TFEC: variants seen among roughly 807,000 people sequenced by gnomAD.
TFEC encodes the protein transcription factor EC, also known as class E basic helix-loop-helix protein 34.
TFEC carries 31 observed loss-of-function variants against 41.6 expected under a neutral mutation model. The ratio of observed to expected loss-of-function variants is 0.74; its 90% confidence interval spans 0.56 to 1.01. TFEC has a LOEUF of 1.01. Among genes scored for constraint, TFEC ranks in the 50% least tolerant of loss-of-function variants. TFEC has a pLI of 0.00. For synonymous variants in TFEC, 143 were observed against 140.6 expected, an observed-to-expected ratio of 1.02 and a Z score of -0.12; for missense variants, 402 against 404.1, an observed-to-expected ratio of 0.99 and a Z score of 0.04.
intron 3 of TFEC, among the ~76,000 whole-genome samples, chr7:116,035,869 G>T (rs755562336): frequency 2.1e-4 from 32 of 151,752 alleles, no homozygotes; most frequent in Non-Finnish European, 4.0e-4. Flanking sequence ...TGATTACCAA[G>T]AATTTAATTT....
At chr7:116,052,904 C>G (rs1372984732) in intron 3 of TFEC, among the ~76,000 whole-genome samples, 7 of 151,544 alleles carry the variant, frequency 4.6e-5, no homozygotes, top group Non-Finnish European at 1.0e-4. Context: ...CCCGTCTCTA[C>G]TAAAAAAATA....
intron 3 of TFEC, among the ~76,000 whole-genome samples, chr7:116,108,693 G>A (rs937880825): frequency 2.6e-5 from 4 of 151,952 alleles, no homozygotes; most frequent in Non-Finnish European, 5.9e-5. Flanking sequence ...TCCTCATAGT[G>A]TTTGCTTTCA....
chr7:116,072,598 A>G (rs756028532), intron 3 of TFEC, among the ~76,000 whole-genome samples: 7 of 151,656 alleles, frequency 4.6e-5, no homozygotes, highest in Non-Finnish European at 1.0e-4. Flanking sequence ...TTAAAGATAC[A>G]TATTATTTAA....
At position 116,088,409 on chromosome 7, in the gene TFEC, A is replaced by G. The variant is rs554693953; in HGVS notation, c.198+22299T>C. Among the ~76,000 whole-genome samples the G allele has an allele frequency of 3.9e-5, 6 of 152,208 alleles. No individual in the cohort carries two copies. The East Asian group carries it at 1.2e-3, about 29-fold the overall frequency. ...AGTACATGGTAGTAGTCGGCTAAAT[A>G]TTTGCGATAATTAGAAAATCAAAGA... On this transcript the variant is annotated intron_variant, in intron 3 of 8. Transcript: ENST00000484212.
chr7:115,940,857 A>G lies in TFEC; in HGVS notation c.738T>C (p.His246=). ...ASLGTVDLGA[H]VTKQQSHPEQ... ...CAGGATGGCTCTGCTGTTTGGTGAC[A>G]TGAGCACCTAAATCAACCGTGCCAA... Residue 246 remains histidine, a synonymous_variant, in exon 8 of 8, where the codon CAT becomes CAC. Transcript: ENST00000265440. The G allele has an allele frequency of 6.2e-7, 1 of 1,613,322 alleles. No individual in the cohort carries two copies. The highest frequency in any genetic ancestry group is 1.1e-5 in the South Asian group (1 of 91,046).
At chr7:116,116,192 C>T (rs1342777712) in intron 1 of TFEC, among the ~76,000 whole-genome samples, 3 of 151,612 alleles carry the variant, frequency 2.0e-5, no homozygotes, top group Admixed American at 6.6e-5. Flanking sequence ...TTAGAGACAT[C>T]GACCAAAAAA....
intron 1 of TFEC, among the ~76,000 whole-genome samples, chr7:116,017,252 C>T (rs1041188691): frequency 1.3e-5 from 2 of 152,150 alleles, no homozygotes; most frequent in Admixed American, 6.6e-5. Flanking sequence ...GACAGAGTCT[C>T]GCTCTGTCAC....
At chr7:116,146,589 G>GATACACAGTTTCCTTACC (rs1798645948) in intron 1 of TFEC, among the ~76,000 whole-genome samples, 1 of 152,100 alleles carries the variant, frequency 6.6e-6, no homozygotes, top group Non-Finnish European at 1.5e-5. Flanking sequence ...GGGTTGGTAG[G>GATACACAGTTTCCTTACC]ATACACAGTT....
intron 1 of TFEC, among the ~76,000 whole-genome samples, chr7:116,151,894 G>A (rs1230506086): frequency 6.6e-6 from 1 of 152,122 alleles, no homozygotes; most frequent in African/African-American, 2.4e-5. Flanking sequence ...CACCTTGGAT[G>A]TAAACAAAGA....
At chr7:116,040,634 G>A (rs1201576800) in intron 3 of TFEC, among the ~76,000 whole-genome samples, 1 of 151,942 alleles carries the variant, frequency 6.6e-6, no homozygotes. Flanking sequence ...TATTGTATTG[G>A]TCAGCTTTAA....
At chr7:116,129,129 T>G (rs1798276715) in intron 1 of TFEC, among the ~76,000 whole-genome samples, 1 of 152,238 alleles carries the variant, frequency 6.6e-6, no homozygotes, top group Non-Finnish European at 1.5e-5. Flanking sequence ...CTACTATCAT[T>G]GGAGATTTGG....
chr7:115,949,851 G>A (rs1791832949), intron 6 of TFEC, among the ~76,000 whole-genome samples: 1 of 152,018 alleles, frequency 6.6e-6, no homozygotes. Flanking sequence ...TTGACAAATG[G>A]GATCTAATTA....
At chr7:116,010,038 A>T (rs1463470794) in intron 1 of TFEC, among the ~76,000 whole-genome samples, 2 of 152,152 alleles carry the variant, frequency 1.3e-5, no homozygotes, top group African/African-American at 2.4e-5. Context: ...AGAGTATAGT[A>T]AAAAGCATTT....
intron 1 of TFEC, among the ~76,000 whole-genome samples, chr7:115,998,826 T>C (rs760657252): frequency 6.5e-4 from 97 of 149,452 alleles, no homozygotes; most frequent in Non-Finnish European, 2.1e-4. Context: ...CATCCAGATA[T>C]ATAAAACAAA....
At chr7:116,058,134 T>C (rs969370788) in intron 3 of TFEC, among the ~76,000 whole-genome samples, 2 of 151,808 alleles carry the variant, frequency 1.3e-5, no homozygotes, top group African/African-American at 4.8e-5. Context: ...ATGCTTTCTA[T>C]AAGAAATTCA....
At chr7:115,976,807 T>C (rs1223036408) in intron 2 of TFEC, among the ~76,000 whole-genome samples, 2 of 152,196 alleles carry the variant, frequency 1.3e-5, no homozygotes, top group East Asian at 1.9e-4. Flanking sequence ...TTGGAGTGGA[T>C]TCAGTAAAAG....
chr7:116,111,948 T>C (rs531956556), intron 2 of TFEC: 1 of 953,076 alleles, frequency 1.0e-6, no homozygotes, highest in South Asian at 4.8e-5. Context: ...CTTGTGGTCT[T>C]GCTGAGACAA....
intron 2 of TFEC, among the ~76,000 whole-genome samples, chr7:115,980,633 C>T (rs1360418565): frequency 6.6e-6 from 1 of 151,992 alleles, no homozygotes; most frequent in Middle Eastern, 3.2e-3. Flanking sequence ...GCCTGTAGTC[C>T]CAGCTACCTG....
chr7:116,078,798 G>A (rs1797020302), intron 3 of TFEC, among the ~76,000 whole-genome samples: 1 of 151,978 alleles, frequency 6.6e-6, no homozygotes, highest in Non-Finnish European at 1.5e-5. Context: ...TATTCCAAAA[G>A]ATAAAGAGGG....
Sources: gnomAD v4.1 joint callset for allele counts (sites outside exome capture counted in the v4.1 genomes callset) on GRCh38, gnomAD v4.1.1 for gene constraint, MANE v1.5 for transcripts, NCBI Gene and HGNC (gene_info 2026-07-23, HGNC 2026-07-21) for gene names.